METAP1D: variants seen among roughly 807,000 people sequenced by gnomAD.
METAP1D encodes methionine aminopeptidase 1D, mitochondrial.
A neutral mutation model predicts 40.5 loss-of-function variants in METAP1D; 31 were observed. The ratio of observed to expected loss-of-function variants is 0.77; its 90% CI spans 0.58 to 1.03. The LOEUF is 1.03. METAP1D is among the 50% of genes least tolerant of loss of function. METAP1D has a pLI of 0.00. For synonymous variants in METAP1D, 151 were observed against 146.4 expected (o/e 1.03, Z -0.22); for missense variants, 411 against 420.7 (o/e 0.98, Z 0.20).
chr2:172,073,746 C>T (rs1690478237), intron 6 of METAP1D, among the ~76,000 whole-genome samples: 1 of 152,144 alleles, frequency 6.6e-6, no homozygotes, highest in African/African-American at 2.4e-5. Flanking sequence ...GTAAACAAAC[C>T]ATATTTACCT....
intron 1 of METAP1D, among the ~76,000 whole-genome samples, chr2:172,001,772 A>C (rs1688468297): frequency 6.6e-6 from 1 of 151,984 alleles, no homozygotes. Context: ...AGCCTTGTGA[A>C]AAGACAGCCA....
chr2:172,077,490 T>C (rs1025309604), intron 6 of METAP1D, among the ~76,000 whole-genome samples: 1 of 152,256 alleles, frequency 6.6e-6, no homozygotes, highest in Non-Finnish European at 1.5e-5. Flanking sequence ...TCACTATGTG[T>C]GTATACACAC....
At position 172,016,300 on chromosome 2, in the gene METAP1D, A is replaced by AATATATAT; in HGVS notation, c.40+16315_40+16322dup. Among the ~76,000 whole-genome samples, 214 of 40,038 alleles carry AATATATAT rather than the reference A, an allele frequency of 5.3e-3. 4 individuals are homozygous for AATATATAT. The highest frequency in any genetic ancestry group is 7.3e-3 in the South Asian group (5 of 684). 26.3% of individuals were successfully genotyped at this position (40,038 alleles called of 152,430 possible). A position where few individuals can be genotyped will look rare whatever the true frequency, so the allele number is the denominator to read the frequency against. ...CAAAAAAAAAAAAAAAAAAAAAAAA[A>AATATATAT]ATATATATATATATATATATATATA... On this transcript the variant is annotated intron_variant, in intron 1 of 9. Transcript: ENST00000315796.
At chr2:172,049,489 G>A (rs1380501230) in intron 1 of METAP1D, among the ~76,000 whole-genome samples, 3 of 151,854 alleles carry the variant, frequency 2.0e-5, no homozygotes, top group Admixed American at 2.0e-4. Context: ...AGGCATCTAT[G>A]GAGCTCCCCT....
chr2:172,025,666 G>A (rs1373334821), intron 1 of METAP1D, among the ~76,000 whole-genome samples: 1 of 151,922 alleles, frequency 6.6e-6, no homozygotes, highest in African/African-American at 2.4e-5. Flanking sequence ...AGAGAATAAT[G>A]GTATGAGTCT....
chr2:172,008,390 AC>A (rs1278037337), intron 1 of METAP1D, among the ~76,000 whole-genome samples: 1 of 152,122 alleles, frequency 6.6e-6, no homozygotes, highest in Non-Finnish European at 1.5e-5. Context: ...GTATTTCATT[AC>A]CCTGACAGGC....
chr2:172,020,174 A>C (rs1688972386), intron 1 of METAP1D, among the ~76,000 whole-genome samples: 1 of 151,946 alleles, frequency 6.6e-6, no homozygotes, highest in Admixed American at 6.6e-5. Context: ...TTTAGTAGAG[A>C]TGGGGTGTCA....
At chr2:172,040,661 A>T (rs1164913006) in intron 1 of METAP1D, among the ~76,000 whole-genome samples, 1 of 152,072 alleles carries the variant, frequency 6.6e-6, no homozygotes, top group Non-Finnish European at 1.5e-5. Flanking sequence ...ATTTTTGTTC[A>T]AAGTTTTTGA....
At chr2:172,023,489 G>A (rs1370868751) in intron 1 of METAP1D, among the ~76,000 whole-genome samples, 1 of 152,168 alleles carries the variant, frequency 6.6e-6, no homozygotes, top group African/African-American at 2.4e-5. Flanking sequence ...GCAAAGATTT[G>A]CTTGGAAGGG....
chr2:172,060,520 A>T (rs1690116524), intron 1 of METAP1D, among the ~76,000 whole-genome samples: 1 of 152,052 alleles, frequency 6.6e-6, no homozygotes, highest in South Asian at 2.1e-4. Flanking sequence ...AAATTTTATG[A>T]GCACGTGCAA....
At chr2:172,046,437 AT>A (rs1156331341) in intron 1 of METAP1D, among the ~76,000 whole-genome samples, 1 of 152,216 alleles carries the variant, frequency 6.6e-6, no homozygotes, top group Non-Finnish European at 1.5e-5. Flanking sequence ...TGTTTTAGTC[AT>A]TTAGATTATG....
At position 172,069,641 on chromosome 2, in the gene METAP1D, T is replaced by A. The variant is rs79993309; in HGVS notation, c.541-1266T>A. 1.7e-3 allele frequency among the ~76,000 whole-genome samples: 254 copies of A among 152,316 alleles called. 6 individuals carry two copies. The East Asian group carries it at 0.027, about 16-fold the overall frequency. The stretch of plus-strand genomic sequence containing the variant: ...AAATAAAAACTCATACTTTCCTGGA[T>A]TGCAAAGGACTGTAAGTGGGAGTAA... On this transcript the variant is annotated intron_variant, in intron 5 of 9. Transcript: ENST00000315796.
chr2:172,034,093 AC>A (rs778629069), intron 1 of METAP1D, among the ~76,000 whole-genome samples: 3,840 of 128,392 alleles, frequency 0.03, 258 homozygotes, highest in African/African-American at 0.091. Context: ...AAAAAAAAAA[AC>A]AAAAGTCCTC....
At chr2:172,066,139 C>A in intron 4 of METAP1D, 125 bp from the exon 5 acceptor site, 1 of 721,494 alleles carries the variant, frequency 1.4e-6, no homozygotes, top group South Asian at 1.7e-5. Flanking sequence ...CCTGTGTAGT[C>A]CTCCTTCACT....
At chr2:172,019,274 C>T (rs56041936) in intron 1 of METAP1D, among the ~76,000 whole-genome samples, 34,700 of 151,882 alleles carry the variant, frequency 0.23, 4,847 homozygotes, top group Middle Eastern at 0.38. Flanking sequence ...ATCACTTGAG[C>T]TGCCACTGCA....
chr2:172,052,706 G>A (rs1321407560), intron 1 of METAP1D, among the ~76,000 whole-genome samples: 1 of 152,130 alleles, frequency 6.6e-6, no homozygotes, highest in Admixed American at 6.5e-5. Flanking sequence ...TATTATGATC[G>A]GTTAAAAAAC....
intron 1 of METAP1D, among the ~76,000 whole-genome samples, chr2:172,033,977 T>C (rs1460987787): frequency 6.7e-6 from 1 of 148,698 alleles, no homozygotes; most frequent in Non-Finnish European, 1.5e-5. Flanking sequence ...CTCGGGAGGC[T>C]GAGGTAGGAA....
At chr2:172,040,381 C>T (rs1043600471) in intron 1 of METAP1D, among the ~76,000 whole-genome samples, 1 of 152,098 alleles carries the variant, frequency 6.6e-6, no homozygotes, top group African/African-American at 2.4e-5. Context: ...TTAAAAAGTC[C>T]GTTTTTTTCT....
At chr2:172,067,416 T>C (rs1690310545) in intron 5 of METAP1D, among the ~76,000 whole-genome samples, 1 of 152,200 alleles carries the variant, frequency 6.6e-6, no homozygotes, top group African/African-American at 2.4e-5. Context: ...TAGCCAACGA[T>C]TCTTTCATTG....
Sources: allele counts gnomAD v4.1 joint callset (sites outside exome capture counted in the v4.1 genomes callset), GRCh38; gene constraint gnomAD v4.1.1; transcripts MANE v1.5; gene names NCBI Gene and HGNC (gene_info 2026-07-23, HGNC 2026-07-21).